MAST4: variants seen among roughly 807,000 people sequenced by gnomAD.
MAST4 encodes the protein microtubule associated serine/threonine kinase family member 4, also known as microtubule-associated serine/threonine-protein kinase 4.
A neutral mutation model predicts 162.7 loss-of-function variants in MAST4; 89 were observed. That is an observed-to-expected ratio of 0.55 (90% confidence interval 0.46 to 0.65). The LOEUF is 0.65. MAST4 is among the 30% of genes least tolerant of loss of function. MAST4 has a pLI of 0.00. For missense variants in MAST4, 3,153 were observed against 3,374.0 expected (o/e 0.93, Z 1.62); for synonymous variants, 1,479 against 1,361.1 (o/e 1.09, Z -1.91).
chr5:66,905,603 G>T (rs1260929334), intron 4 of MAST4, among the ~76,000 whole-genome samples: 1 of 152,106 alleles, frequency 6.6e-6, no homozygotes, highest in Non-Finnish European at 1.5e-5. Flanking sequence ...AGCGACCAAG[G>T]CCTGAGGTCC....
intron 5 of MAST4, among the ~76,000 whole-genome samples, chr5:67,063,432 G>A (rs1457497004): frequency 4.6e-5 from 7 of 152,104 alleles, no homozygotes; most frequent in South Asian, 2.1e-4. Context: ...CTGTAATGTT[G>A]ATGTATAATC....
chr5:67,051,594 G>A (rs1191722995), intron 4 of MAST4, among the ~76,000 whole-genome samples: 2 of 152,140 alleles, frequency 1.3e-5, no homozygotes, highest in African/African-American at 4.8e-5. Context: ...TATCCCAGAA[G>A]CAGGTAATAC....
At chr5:66,886,175 A>G (rs1762028709) in intron 3 of MAST4, among the ~76,000 whole-genome samples, 3 of 152,220 alleles carry the variant, frequency 2.0e-5, no homozygotes, top group South Asian at 4.1e-4. Flanking sequence ...TTTCATCCTG[A>G]TGGTCCTAAG....
intron 1 of MAST4, among the ~76,000 whole-genome samples, chr5:66,615,704 T>G (rs567193620): frequency 1.3e-5 from 2 of 152,066 alleles, no homozygotes; most frequent in Admixed American, 6.5e-5. Context: ...TCCCAGCTAC[T>G]TGGAAGGTTG....
chr5:67,087,449 T>G (rs987745613), intron 5 of MAST4, among the ~76,000 whole-genome samples: 2 of 152,282 alleles, frequency 1.3e-5, no homozygotes, highest in Non-Finnish European at 2.9e-5. Flanking sequence ...CTCTAACTAA[T>G]CAGTACCAAT....
At chr5:66,640,567 A>G (rs995688342) in intron 1 of MAST4, among the ~76,000 whole-genome samples, 1 of 152,150 alleles carries the variant, frequency 6.6e-6, no homozygotes, top group African/African-American at 2.4e-5. Flanking sequence ...CTCGGCCCCC[A>G]AAGTGCTGGG....
intron 2 of MAST4, among the ~76,000 whole-genome samples, chr5:66,767,170 C>CTGTGT (rs1554050620): frequency 7.2e-6 from 1 of 139,482 alleles, no homozygotes; most frequent in African/African-American, 2.7e-5. Context: ...GTAAAGTGCA[C>CTGTGT]GTGTGTGTGT....
intron 5 of MAST4, among the ~76,000 whole-genome samples, chr5:67,059,242 C>A (rs1581386475): frequency 6.6e-6 from 1 of 152,204 alleles, no homozygotes; most frequent in South Asian, 2.1e-4. Flanking sequence ...CATTCTCGCA[C>A]TTCAAATCTG....
chr5:66,696,535 A>ATGT (rs1749413406), intron 1 of MAST4, among the ~76,000 whole-genome samples: 1 of 152,028 alleles, frequency 6.6e-6, no homozygotes, highest in Non-Finnish European at 1.5e-5. Flanking sequence ...GAGCATCAAC[A>ATGT]TGATGGTCAA....
At chr5:66,598,424 C>T (rs1004392496) in intron 1 of MAST4, among the ~76,000 whole-genome samples, 1 of 152,176 alleles carries the variant, frequency 6.6e-6, no homozygotes, top group African/African-American at 2.4e-5. Context: ...ACTCCTGTTT[C>T]GAATCAGGAA....
chr5:66,786,972 A>G (rs1047662655), intron 2 of MAST4, among the ~76,000 whole-genome samples: 1 of 152,238 alleles, frequency 6.6e-6, no homozygotes, highest in Non-Finnish European at 1.5e-5. Flanking sequence ...GCAATAAAAT[A>G]TAGGTTGTAA....
rs1484463058 is a variant in MAST4 at position 66,696,193 on chromosome 5, G to A, written c.364-63516G>A. Among the ~76,000 whole-genome samples the A allele has an allele frequency of 2.0e-5, 3 of 152,080 alleles. No individual in the cohort carries two copies. The East Asian group carries it at 5.8e-4, about 29-fold the overall frequency. ...ATGGAGGGGAAAAACACACACTGGG[G>A]CCTGTTGGGGCGGAGGGTGGGAGGA... is the stretch of plus-strand genomic sequence containing the variant. On this transcript the variant is annotated intron_variant, in intron 1 of 28. Coordinates refer to ENST00000403625, the MANE Select transcript of MAST4 (RefSeq NM_001164664.2).
chr5:66,631,975 C>G (rs549737775), intron 1 of MAST4, among the ~76,000 whole-genome samples: 6 of 152,278 alleles, frequency 3.9e-5, no homozygotes, highest in South Asian at 2.1e-4. Flanking sequence ...AAGTTATGCT[C>G]TGTTGTGTTG....
At chr5:66,895,563 T>C (rs146106906) in intron 3 of MAST4, among the ~76,000 whole-genome samples, 133 of 152,322 alleles carry the variant, frequency 8.7e-4, no homozygotes, top group Middle Eastern at 3.4e-3. Context: ...CAAAAACTTA[T>C]GACTCCTTGC....
chr5:66,805,696 G>A (rs1346000495), intron 3 of MAST4, among the ~76,000 whole-genome samples: 1 of 152,186 alleles, frequency 6.6e-6, no homozygotes, highest in Non-Finnish European at 1.5e-5. Flanking sequence ...AGTTCTCTTG[G>A]AGTTTTATGA....
At chr5:67,144,926 CA>C in intron 22 of MAST4, 130 bp downstream of exon 22, 1 of 1,189,134 alleles carries the variant, frequency 8.4e-7, no homozygotes, top group Non-Finnish European at 1.2e-6. Context: ...GTTTCTCATC[CA>C]GTAGATCTAG....
At chr5:66,902,019 A>G (rs903842137) in intron 4 of MAST4, among the ~76,000 whole-genome samples, 11 of 152,154 alleles carry the variant, frequency 7.2e-5, no homozygotes, top group African/African-American at 2.7e-4. Flanking sequence ...TAGCCAACAT[A>G]ATAGTACCTG....
At chr5:66,813,926 C>T (rs1379231984) in intron 3 of MAST4, among the ~76,000 whole-genome samples, 1 of 152,186 alleles carries the variant, frequency 6.6e-6, no homozygotes, top group Non-Finnish European at 1.5e-5. Context: ...TGGAAGGTTA[C>T]TGGGAACATG....
At chr5:66,606,128 A>G (rs1453588926) in intron 1 of MAST4, among the ~76,000 whole-genome samples, 1 of 151,918 alleles carries the variant, frequency 6.6e-6, no homozygotes, top group Non-Finnish European at 1.5e-5. Flanking sequence ...CTTCTTCTCT[A>G]TCTATAGTTT....
Sources: gnomAD v4.1 joint callset for allele counts (sites outside exome capture counted in the v4.1 genomes callset) on GRCh38, gnomAD v4.1.1 for gene constraint, MANE v1.5 for transcripts, NCBI Gene and HGNC (gene_info 2026-07-23, HGNC 2026-07-21) for gene names.